The following BRCA2 variants were observed in gnomAD, a reference collection of about 807,000 sequenced individuals.
BRCA2 encodes breast cancer type 2 susceptibility protein.
BRCA2 carries 203 observed loss-of-function variants against 276.7 expected under a neutral mutation model. That is an observed-to-expected ratio of 0.73 (90% CI 0.65 to 0.82). BRCA2 has a LOEUF of 0.82. BRCA2 is among the 40% of genes least tolerant of loss of function. The pLI is 0.00. For missense variants in BRCA2, 3,920 were observed against 3,915.0 expected, an observed-to-expected ratio of 1.00 and a Z score of -0.03; for synonymous variants, 1,289 against 1,338.4, an observed-to-expected ratio of 0.96 and a Z score of 0.81.
intron 8 of BRCA2, among the ~76,000 whole-genome samples, chr13:32,330,092 T>A (rs569897600): frequency 6.6e-6 from 1 of 152,344 alleles, no homozygotes; most frequent in African/African-American, 2.4e-5. Flanking sequence ...CAACCATCCC[T>A]TACTTGCAGT....
At position 32,338,999 on chromosome 13, in the gene BRCA2, A is replaced by G. The variant is rs1257318418; in HGVS notation, c.4644A>G (p.Glu1548=). 1.9e-6 allele frequency: 3 copies of G among 1,613,428 alleles called. No homozygotes were observed. Among genetic ancestry groups the G allele is most frequent in the Admixed American group, 1.7e-5 (1 of 59,854 alleles). The change falls in exon 11 of 27, where the codon GAA becomes GAG. Residue 1548 remains glutamate (E), a synonymous_variant. Coordinates refer to ENST00000380152, the MANE Select transcript of BRCA2 (RefSeq NM_000059.4). Reference sequence around the variant, plus strand: ...ACAAAGTGAAAAACCTTTTTGATGAAAAAGAGCAAGGTACTAGTGAAATCA... The same window carrying G: ...ACAAAGTGAAAAACCTTTTTGATGAGAAAGAGCAAGGTACTAGTGAAATCA... The part of the protein sequence containing the change: ...SLDKVKNLFD[E]KEQGTSEITS...
At chr13:32,382,368 G>A (rs1311087420) in intron 24 of BRCA2, among the ~76,000 whole-genome samples, 1 of 152,152 alleles carries the variant, frequency 6.6e-6, no homozygotes, top group African/African-American at 2.4e-5. Flanking sequence ...CTTAGAAGCA[G>A]GGAAATATAA....
chr13:32,315,904 G>T (rs1333409127), intron 1 of BRCA2, among the ~76,000 whole-genome samples: 1 of 152,234 alleles, frequency 6.6e-6, no homozygotes. Flanking sequence ...CGGCCTTTGG[G>T]CTCCGCCTTC....
chr13:32,377,748 TA>T (rs1005838429), intron 21 of BRCA2, among the ~76,000 whole-genome samples: 2 of 151,588 alleles, frequency 1.3e-5, no homozygotes, highest in African/African-American at 4.8e-5. Context: ...GGTAGATAGC[TA>T]AAAAAAAATT....
intron 13 of BRCA2, among the ~76,000 whole-genome samples, chr13:32,353,489 A>G (rs1434615709): frequency 6.6e-6 from 1 of 151,406 alleles, no homozygotes; most frequent in Non-Finnish European, 1.5e-5. Context: ...GTCATGGTGT[A>G]CAGATTCTTC....
intron 3 of BRCA2, among the ~76,000 whole-genome samples, chr13:32,322,160 C>T (rs1034722704): frequency 6.6e-6 from 1 of 152,218 alleles, no homozygotes; most frequent in Admixed American, 6.5e-5. Flanking sequence ...ATCCCTCCTC[C>T]TGAGCCCCTG....
At chr13:32,373,514 A>G (rs1240252638) in intron 20 of BRCA2, among the ~76,000 whole-genome samples, 2 of 152,012 alleles carry the variant, frequency 1.3e-5, no homozygotes, top group Non-Finnish European at 2.9e-5. Context: ...TCAAAAAAAT[A>G]AATAAAAAAA....
chr13:32,357,920 A>C lies in BRCA2; in HGVS notation c.7796A>C (p.Glu2599Ala), dbSNP rs780715340. The change falls in exon 16 of 27, where the codon GAA (glutamate) becomes GCA (alanine). Residue 2599 changes from glutamate (E) to alanine (A), a missense_variant. Around this residue, in one of 2 missense-constraint regions of BRCA2, gnomAD observed 3,263 missense variants for 3,156.9 expected, o/e 1.03. Transcript: ENST00000380152. ...PSNDGKAGKE[E>A]FYRALCDTPG... ...AATGATGGAAAGGCTGGAAAAGAAGAATTTTATAGGTACTCTATGCAAAAA... is the reference window on the plus strand; with the variant it reads ...AATGATGGAAAGGCTGGAAAAGAAGCATTTTATAGGTACTCTATGCAAAAA... 1 of 1,613,684 alleles carries C rather than the reference A, an allele frequency of 6.2e-7. No individual in the cohort carries two copies. Among genetic ancestry groups the C allele is most frequent in the East Asian group, 2.2e-5 (1 of 44,862 alleles).
Position 32,379,312 on chromosome 13 carries a change from C to A in BRCA2, c.8755-5C>A. The stretch of plus-strand genomic sequence containing the variant: ...TTTTTATTCCAATATCTTAAATGGT[C>A]ACAGGGTTATTTCAGTGAAGAGCAG... On this transcript the variant is annotated splice_region_variant and splice_polypyrimidine_tract_variant and intron_variant, in intron 21 of 26. Transcript: ENST00000380152. 1 of 1,613,202 alleles carries A rather than the reference C, an allele frequency of 6.2e-7. No homozygotes were observed. Among genetic ancestry groups the A allele is most frequent in the South Asian group, 1.1e-5 (1 of 90,902 alleles).
rs2072876301 is a variant in BRCA2, at chr13:32,376,780, G to T, written c.8743G>T (p.Ala2915Ser). Reference sequence around the variant, plus strand: ...AGCAGTGAAGAATGCAGCAGACCCAGCTTACCTTGAGGTGAGAGAGTAAGA... The same window carrying T: ...AGCAGTGAAGAATGCAGCAGACCCATCTTACCTTGAGGTGAGAGAGTAAGA... Reference protein sequence around the residue: ...YEAVKNAADPAYLEGYFSEEQ... With the variant: ...YEAVKNAADPSYLEGYFSEEQ... Residue 2915 changes from alanine to serine, a missense_variant, in exon 21 of 27, where the codon GCT (alanine) becomes TCT (serine). Transcript: ENST00000380152. The T allele has an allele frequency of 6.2e-7, 1 of 1,614,088 alleles. No individual in the cohort carries two copies. The highest frequency in any genetic ancestry group is 8.5e-7 in the Non-Finnish European group (1 of 1,179,974).
chr13:32,335,301 C>T (rs703223), intron 10 of BRCA2, among the ~76,000 whole-genome samples: 3 of 149,472 alleles, frequency 2.0e-5, no homozygotes, highest in African/African-American at 7.4e-5. Context: ...GCTGAGATCA[C>T]GCCACTGCAC....
At chr13:32,326,948 G>A (rs2072354690) in intron 7 of BRCA2, among the ~76,000 whole-genome samples, 1 of 152,140 alleles carries the variant, frequency 6.6e-6, no homozygotes, top group South Asian at 2.1e-4. Flanking sequence ...GTGGTAATTG[G>A]GGCATTAAAG....
At chr13:32,347,010 G>A (rs112941253) in intron 13 of BRCA2, 114 bp downstream of exon 13, 114 of 722,374 alleles carry the variant, frequency 1.6e-4, no homozygotes, top group African/African-American at 1.4e-3. Context: ...AACACTTCCC[G>A]TTTTATAAAA....
chr13:32,352,081 G>A (rs1230908068), intron 13 of BRCA2, among the ~76,000 whole-genome samples: 2 of 152,150 alleles, frequency 1.3e-5, no homozygotes, highest in African/African-American at 4.8e-5. Flanking sequence ...GATTACAGAC[G>A]TGAGCCACTG....
chr13:32,395,962 T>TC, intron 25 of BRCA2: 1 of 138,706 alleles, frequency 7.2e-6, no homozygotes. Context: ...CTTTCTTTCT[T>TC]TTTTTTTTTT....
At position 32,332,366 on chromosome 13, in the gene BRCA2, TGAAACAGTTGTA is replaced by T. The variant is rs2072399471; in HGVS notation, c.891_902del (p.Glu297_Val300del). On this transcript the variant is annotated inframe_deletion, in exon 10 of 27. Transcript: ENST00000380152. ...CAAATGTCCTAGAAGATGAAGTATA[TGAAACAGTTGTA>T]GATACCTCTGAAGAAGATAGTTTTT... The T allele has an allele frequency of 6.3e-7, 1 of 1,596,590 alleles. No homozygotes were observed.
chr13:32,356,737 T>TC, intron 15 of BRCA2, 128 bp downstream of exon 15: 1 of 1,192,170 alleles, frequency 8.4e-7, no homozygotes, highest in Non-Finnish European at 1.2e-6. Context: ...AATGAAATCA[T>TC]CATATTTTCT....
chr13:32,354,828 T>C, intron 13 of BRCA2, 33 bp from the exon 14 acceptor site: 2 of 1,374,272 alleles, frequency 1.5e-6, no homozygotes, highest in Non-Finnish European at 1.0e-6. Flanking sequence ...TGTGTACTAG[T>C]CAATAAACTT....
At chr13:32,389,718 G>A (rs992228389) in intron 24 of BRCA2, among the ~76,000 whole-genome samples, 2 of 152,108 alleles carry the variant, frequency 1.3e-5, no homozygotes, top group African/African-American at 2.4e-5. Flanking sequence ...CCCATCATAA[G>A]TTGTCCTCGA....
Sources: allele counts gnomAD v4.1 joint callset (sites outside exome capture counted in the v4.1 genomes callset), GRCh38; gene constraint gnomAD v4.1.1; regional missense constraint gnomAD v4.1.1; transcripts MANE v1.5; gene names NCBI Gene and HGNC (gene_info 2026-07-23, HGNC 2026-07-21).